The following ASTN2 variants were observed in gnomAD, a reference collection of about 807,000 sequenced individuals.
ASTN2 encodes the protein astrotactin 2, also known as astrotactin-2.
Under a neutral mutation model 139.8 loss-of-function variants are expected in ASTN2, and 54 were observed. That is an observed-to-expected ratio of 0.39 (90% CI 0.31 to 0.48). ASTN2 has a LOEUF of 0.48. Among genes scored for constraint, ASTN2 ranks in the 20% least tolerant of loss-of-function variants. ASTN2 has a pLI of 0.95. For missense variants in ASTN2, 1,565 were observed against 1,725.1 expected, an observed-to-expected ratio of 0.91 and a Z score of 1.64; for synonymous variants, 756 against 719.5, an observed-to-expected ratio of 1.05 and a Z score of -0.81.
chr9:116,829,867 C>T (rs2416583), intron 11 of ASTN2, among the ~76,000 whole-genome samples: 128,293 of 152,204 alleles, frequency 0.84, 54,263 homozygotes, highest in East Asian at 0.95. Flanking sequence ...TTTCTCGCCA[C>T]ATATTTTTTA....
chr9:116,863,451 A>C, intron 11 of ASTN2, 132 bp downstream of exon 11: 1 of 1,167,208 alleles, frequency 8.6e-7, no homozygotes, highest in African/African-American at 1.5e-5. Context: ...TGGCATACTG[A>C]AGGCCGCAGA....
intron 1 of ASTN2, among the ~76,000 whole-genome samples, chr9:117,362,220 T>C (rs1320420344): frequency 6.6e-6 from 1 of 152,166 alleles, no homozygotes; most frequent in Non-Finnish European, 1.5e-5. Context: ...GTGATATAAC[T>C]ACCTTGGCCT....
chr9:117,062,205 T>C (rs1309500311), intron 5 of ASTN2, among the ~76,000 whole-genome samples: 2 of 152,152 alleles, frequency 1.3e-5, no homozygotes, highest in African/African-American at 4.8e-5. Context: ...CTCAACACTG[T>C]AACCATGGAT....
chr9:116,837,332 C>T (rs1462539482), intron 11 of ASTN2, among the ~76,000 whole-genome samples: 1 of 152,092 alleles, frequency 6.6e-6, no homozygotes, highest in Non-Finnish European at 1.5e-5. Flanking sequence ...GACTCATATC[C>T]CTCATTCTGC....
intron 13 of ASTN2, among the ~76,000 whole-genome samples, chr9:116,780,693 G>T (rs77172616): frequency 1.3e-5 from 2 of 151,968 alleles, no homozygotes; most frequent in African/African-American, 4.8e-5. Context: ...ATTCTTTTCC[G>T]TTAGTTCTCT....
At chr9:116,838,024 G>A (rs1191957661) in intron 11 of ASTN2, among the ~76,000 whole-genome samples, 3 of 152,132 alleles carry the variant, frequency 2.0e-5, no homozygotes, top group African/African-American at 7.2e-5. Flanking sequence ...AGGGGTGGCA[G>A]GCAAACACTA....
At chr9:116,683,607 T>G (rs557762671) in intron 16 of ASTN2, among the ~76,000 whole-genome samples, 3 of 152,212 alleles carry the variant, frequency 2.0e-5, no homozygotes, top group Non-Finnish European at 4.4e-5. Context: ...TTCTCACAGA[T>G]AGCTGATGTG....
intron 3 of ASTN2, among the ~76,000 whole-genome samples, chr9:117,199,676 G>C (rs947476570): frequency 1.3e-5 from 2 of 152,050 alleles, no homozygotes; most frequent in African/African-American, 4.8e-5. Context: ...AATGTCAATG[G>C]TAGTTCGATG....
chr9:117,063,483 T>C (rs1839354133), intron 5 of ASTN2, among the ~76,000 whole-genome samples: 1 of 152,196 alleles, frequency 6.6e-6, no homozygotes, highest in Non-Finnish European at 1.5e-5. Flanking sequence ...TTCTCTCTCT[T>C]GCCTGCTGCA....
chr9:117,327,561 T>C (rs773902378), intron 1 of ASTN2, among the ~76,000 whole-genome samples: 35 of 152,122 alleles, frequency 2.3e-4, no homozygotes, highest in Middle Eastern at 3.4e-3. Context: ...AGTGTGCATA[T>C]GTTAAGTAAA....
chr9:116,942,425 T>TA (rs1236533206), intron 10 of ASTN2, among the ~76,000 whole-genome samples: 1 of 152,232 alleles, frequency 6.6e-6, no homozygotes, highest in East Asian at 1.9e-4. Flanking sequence ...TGCTGGTTTT[T>TA]ATGACTTGGT....
intron 10 of ASTN2, among the ~76,000 whole-genome samples, chr9:116,897,611 T>G (rs1390475551): frequency 3.9e-5 from 6 of 152,080 alleles, no homozygotes; most frequent in Non-Finnish European, 8.8e-5. Context: ...CATCGCTGAA[T>G]AAAACTGGCA....
chr9:117,039,754 C>T (rs1838497121), intron 6 of ASTN2, 65 bp downstream of exon 6: 1 of 1,522,654 alleles, frequency 6.6e-7, no homozygotes, highest in Admixed American at 1.9e-5. Flanking sequence ...ACACAGAAAC[C>T]TTTGACCAGT....
chr9:117,202,079 G>A (rs1302330457), intron 3 of ASTN2, among the ~76,000 whole-genome samples: 1 of 152,022 alleles, frequency 6.6e-6, no homozygotes, highest in Non-Finnish European at 1.5e-5. Context: ...AATTCTTCCT[G>A]TTACCATTAT....
intron 1 of ASTN2, among the ~76,000 whole-genome samples, chr9:117,412,389 T>C (rs1831193149): frequency 6.6e-6 from 1 of 152,112 alleles, no homozygotes; most frequent in South Asian, 2.1e-4. Flanking sequence ...CATGTGCAGG[T>C]TGTTGCCAGG....
intron 16 of ASTN2, among the ~76,000 whole-genome samples, chr9:116,680,351 A>G (rs2132017747): frequency 6.6e-6 from 1 of 152,354 alleles, no homozygotes; most frequent in Admixed American, 6.5e-5. Context: ...GAATAGACCA[A>G]TAACAGGATC....
At chr9:117,121,317 A>C (rs543412344) in intron 4 of ASTN2, among the ~76,000 whole-genome samples, 1 of 152,362 alleles carries the variant, frequency 6.6e-6, no homozygotes, top group African/African-American at 2.4e-5. Flanking sequence ...AAGGTGTGAG[A>C]TAAATCTTAT....
intron 22 of ASTN2, among the ~76,000 whole-genome samples, chr9:116,435,284 C>T (rs1003734709): frequency 5.3e-5 from 8 of 152,172 alleles, no homozygotes; most frequent in African/African-American, 1.9e-4. Context: ...GCCCTGGGCT[C>T]CTGGCTTTGG....
chr9:116,697,537 A>G (rs918530096), intron 16 of ASTN2: 35 of 648,898 alleles, frequency 5.4e-5, no homozygotes, highest in East Asian at 2.3e-4. Context: ...AATAGACCTC[A>G]ATAAAATAGT....
Sources: allele counts gnomAD v4.1 joint callset (sites outside exome capture counted in the v4.1 genomes callset), GRCh38; gene constraint gnomAD v4.1.1; transcripts MANE v1.5; gene names NCBI Gene and HGNC (gene_info 2026-07-23, HGNC 2026-07-21).